The following AK8 variants were observed in gnomAD, a reference collection of about 807,000 sequenced individuals.
AK8 encodes the protein adenylate kinase 8, also known as ATP-AMP transphosphorylase 8.
AK8 carries 44 observed loss-of-function variants against 54.6 expected under a neutral mutation model. The ratio of observed to expected loss-of-function variants is 0.81; its 90% confidence interval spans 0.63 to 1.04. The LOEUF (loss-of-function observed/expected upper bound fraction) is 1.04, where lower values mean the gene tolerates loss of function less well. AK8 is among the 50% of genes least tolerant of loss of function. The pLI is 0.00. For synonymous variants in AK8, 239 were observed against 245.6 expected (o/e 0.97, Z 0.25); for missense variants, 555 against 613.6 (o/e 0.90, Z 1.01).
intron 10 of AK8, among the ~76,000 whole-genome samples, chr9:132,806,495 A>G (rs1234312310): frequency 6.6e-6 from 1 of 151,858 alleles, no homozygotes; most frequent in Non-Finnish European, 1.5e-5. Context: ...AAACGGGCAG[A>G]GGGTCCCTCA....
intron 5 of AK8, among the ~76,000 whole-genome samples, chr9:132,852,789 A>G (rs1485082428): frequency 6.7e-6 from 1 of 149,704 alleles, no homozygotes; most frequent in African/African-American, 2.4e-5. Context: ...AAAAAAAAAA[A>G]AAAAAAGAAA....
At chr9:132,833,849 T>C (rs1443991641) in intron 5 of AK8, among the ~76,000 whole-genome samples, 2 of 152,242 alleles carry the variant, frequency 1.3e-5, no homozygotes, top group Admixed American at 6.5e-5. Context: ...TCCTGACTAT[T>C]ATTAAAGCGC....
At position 132,791,502 on chromosome 9, in the gene AK8, T is replaced by C. The variant is rs1056670367; in HGVS notation, c.1121+1132A>G. 6.6e-6 allele frequency among the ~76,000 whole-genome samples: 1 copy of C among 152,192 alleles called. No individual in the cohort carries two copies. Among genetic ancestry groups the C allele is most frequent in the Non-Finnish European group, 1.5e-5 (1 of 68,018 alleles). On this transcript the variant is annotated intron_variant, in intron 11 of 12. Transcript: ENST00000298545. The surrounding 1 kb of genome is among the most constrained non-coding windows in gnomAD (Gnocchi z 4.0). ...CTTTTTGTACATGATAAAATCATTA[T>C]AGTGCTCGTTTGGAATAATAAATAT... is the stretch of plus-strand genomic sequence containing the variant.
rs1838946725 is a variant in AK8, at chr9:132,770,896, G to A, written c.1121+21738C>T. 6.6e-6 allele frequency among the ~76,000 whole-genome samples: 1 copy of A among 152,180 alleles called. No homozygotes were observed. The highest frequency in any genetic ancestry group is 2.4e-5 in the African/African-American group (1 of 41,456). ...TGTGGGCCTCCCCAGTCAGGGAGAT[G>A]CTTCCCCCATCTCATCTCAGTGGGG... On this transcript the variant is annotated intron_variant, in intron 11 of 12. Coordinates refer to ENST00000298545, the MANE Select transcript of AK8 (RefSeq NM_152572.3). The surrounding 1 kb of genome is among the most constrained non-coding windows in gnomAD (Gnocchi z 4.3).
chr9:132,753,054 G>GT (rs1461125715), intron 11 of AK8, among the ~76,000 whole-genome samples: 1 of 152,220 alleles, frequency 6.6e-6, no homozygotes, highest in Non-Finnish European at 1.5e-5. Context: ...AAATTGAAGT[G>GT]TAAGTCCTTC....
chr9:132,774,022 CT>C (rs1839097242), intron 11 of AK8, among the ~76,000 whole-genome samples: 1 of 152,118 alleles, frequency 6.6e-6, no homozygotes. Context: ...TGGGGCCCCC[CT>C]CTTCCCTTGG....
intron 9 of AK8, among the ~76,000 whole-genome samples, chr9:132,817,491 T>G (rs368904979): frequency 6.6e-6 from 1 of 152,086 alleles, no homozygotes; most frequent in African/African-American, 2.4e-5. Context: ...AAGGAAAAGA[T>G]AGTTAAAATG....
At chr9:132,779,620 G>A (rs1477962380) in intron 11 of AK8, among the ~76,000 whole-genome samples, 4 of 152,222 alleles carry the variant, frequency 2.6e-5, no homozygotes, top group African/African-American at 4.8e-5. Context: ...CACAGTATCC[G>A]TACAGCTCTT....
chr9:132,785,154 GA>G (rs1839637969), intron 11 of AK8, among the ~76,000 whole-genome samples: 1 of 150,958 alleles, frequency 6.6e-6, no homozygotes, highest in South Asian at 2.1e-4. Flanking sequence ...GCCCAGGCTG[GA>G]ATGCAGTGGC....
chr9:132,797,601 G>T (rs1359262231), intron 10 of AK8, among the ~76,000 whole-genome samples: 1 of 93,698 alleles, frequency 1.1e-5, no homozygotes, highest in Non-Finnish European at 2.3e-5. Context: ...GATGCAACAA[G>T]GGTGGCCACA....
intron 6 of AK8, 79 bp downstream of exon 6, chr9:132,828,566 G>T: frequency 7.7e-7 from 1 of 1,300,196 alleles, no homozygotes; most frequent in Non-Finnish European, 1.1e-6. Flanking sequence ...TCAGGAGCAG[G>T]CAGCATGAGC....
chr9:132,758,080 G>A (rs867192247), intron 11 of AK8, among the ~76,000 whole-genome samples: 10 of 152,306 alleles, frequency 6.6e-5, no homozygotes, highest in African/African-American at 1.2e-4. Flanking sequence ...GGACGTTTCC[G>A]TCATTTCCAA....
chr9:132,867,027 G>T (rs758734190), intron 2 of AK8, 74 bp from the exon 3 acceptor site: 9 of 1,423,886 alleles, frequency 6.3e-6, no homozygotes, highest in Non-Finnish European at 8.9e-6. Flanking sequence ...TACTCGGGGT[G>T]TACTTATTTC....
At chr9:132,787,445 C>A (rs1839761335) in intron 11 of AK8, among the ~76,000 whole-genome samples, 1 of 152,180 alleles carries the variant, frequency 6.6e-6, no homozygotes, top group African/African-American at 2.4e-5. Flanking sequence ...CTTAGCAACA[C>A]TGGAAATTCA....
chr9:132,734,222 A>G (rs575960579), intron 11 of AK8, among the ~76,000 whole-genome samples: 2 of 152,290 alleles, frequency 1.3e-5, no homozygotes, highest in East Asian at 3.9e-4. Flanking sequence ...GAGCTACTGA[A>G]CCAAAACCTC....
At chr9:132,834,286 T>C (rs1029005939) in intron 5 of AK8, among the ~76,000 whole-genome samples, 3 of 152,116 alleles carry the variant, frequency 2.0e-5, no homozygotes, top group Non-Finnish European at 4.4e-5. Flanking sequence ...AGCCAATCGG[T>C]GAGAACAATG....
intron 3 of AK8, 66 bp downstream of exon 3, chr9:132,866,838 C>A (rs1345663162): frequency 5.4e-6 from 8 of 1,477,182 alleles, no homozygotes; most frequent in Non-Finnish European, 7.6e-6. Flanking sequence ...GAGGTGCAGT[C>A]TCATTCCAGC....
chr9:132,780,422 T>C (rs932470941), intron 11 of AK8, among the ~76,000 whole-genome samples: 1 of 152,136 alleles, frequency 6.6e-6, no homozygotes, highest in African/African-American at 2.4e-5. Flanking sequence ...TCTGGCTTTC[T>C]GGAGGAAATG....
intron 11 of AK8, among the ~76,000 whole-genome samples, chr9:132,767,508 G>A (rs746860712): frequency 9.2e-5 from 14 of 152,164 alleles, no homozygotes; most frequent in Non-Finnish European, 1.9e-4. Context: ...TTTGTTAGCG[G>A]GGCTGTAAAT....
Sources: gnomAD v4.1 joint callset for allele counts (sites outside exome capture counted in the v4.1 genomes callset) on GRCh38, gnomAD v4.1.1 for gene constraint, Gnocchi (gnomAD v3.1) non-coding constraint, MANE v1.5 for transcripts, NCBI Gene and HGNC (gene_info 2026-07-23, HGNC 2026-07-21) for gene names.